Variants in PCDH15 observed in about 807,000 individuals in gnomAD.
PCDH15 encodes protocadherin-15.
Under a neutral mutation model 178.5 loss-of-function variants are expected in PCDH15, and 129 were observed. The ratio of observed to expected loss-of-function variants is 0.72; its 90% CI spans 0.63 to 0.84. The LOEUF is 0.84. Ranked by LOEUF, PCDH15 falls within the 40% of genes least tolerant of loss-of-function variation. The pLI is 0.00. For synonymous variants in PCDH15, 800 were observed against 732.0 expected (o/e 1.09, Z -1.50); for missense variants, 2,230 against 2,099.9 (o/e 1.06, Z -1.21).
chr10:54,427,309 G>T (rs1254667316), intron 3 of PCDH15, among the ~76,000 whole-genome samples: 2 of 96,214 alleles, frequency 2.1e-5, no homozygotes, highest in African/African-American at 9.1e-5. Flanking sequence ...ACTGGGTTTC[G>T]CTCTTGTTGC....
At chr10:54,541,029 ATG>A (rs2085156233) in intron 2 of PCDH15, among the ~76,000 whole-genome samples, 1 of 152,194 alleles carries the variant, frequency 6.6e-6, no homozygotes, top group African/African-American at 2.4e-5. Context: ...GGAGCCATAT[ATG>A]ACACAATACA....
At chr10:54,945,250 T>G (rs551626168) in intron 2 of PCDH15, among the ~76,000 whole-genome samples, 1 of 151,900 alleles carries the variant, frequency 6.6e-6, no homozygotes, top group Admixed American at 6.6e-5. Flanking sequence ...GAACATATAA[T>G]TATGCCAATG....
chr10:54,675,456 T>G (rs927972838), intron 1 of PCDH15, among the ~76,000 whole-genome samples: 29 of 137,876 alleles, frequency 2.1e-4, no homozygotes, highest in Admixed American at 1.9e-3. Flanking sequence ...GGCCTTTTCA[T>G]GTTGTTTTTT....
intron 2 of PCDH15, among the ~76,000 whole-genome samples, chr10:54,550,890 T>C (rs996670641): frequency 1.3e-5 from 2 of 152,066 alleles, no homozygotes; most frequent in Non-Finnish European, 2.9e-5. Context: ...GTGTAGTGGC[T>C]CACACCTGTA....
chr10:54,825,559 T>C (rs1402700745), intron 3 of PCDH15, among the ~76,000 whole-genome samples: 8 of 146,746 alleles, frequency 5.5e-5, no homozygotes, highest in African/African-American at 1.0e-4. Flanking sequence ...TTTTAATGAT[T>C]GCCATTCTAA....
At chr10:53,925,616 G>A (rs1350867188) in intron 25 of PCDH15, among the ~76,000 whole-genome samples, 1 of 152,208 alleles carries the variant, frequency 6.6e-6, no homozygotes, top group Non-Finnish European at 1.5e-5. Flanking sequence ...TCCTCTTAAA[G>A]AGATCATTGC....
At position 54,307,104 on chromosome 10, in the gene PCDH15, G is replaced by GTATATATA. The variant is rs1170885233; in HGVS notation, c.876+10159_876+10166dup. ...TACATATATATATATGTGTGTGTGT[G>GTATATATA]TATATATATATATATATATATATAT... On this transcript the variant is annotated intron_variant, in intron 8 of 37. Transcript: ENST00000644397. Among the ~76,000 whole-genome samples the GTATATATA allele has an allele frequency of 4.3e-3, 115 of 26,544 alleles. 26 individuals carry two copies. The highest frequency in any genetic ancestry group is 0.019 in the Middle Eastern group (1 of 52). 17.4% of individuals were successfully genotyped at this position (26,544 alleles called of 152,430 possible). A position where few individuals can be genotyped will look rare whatever the true frequency, so the allele number is the denominator to read the frequency against.
chr10:54,943,338 C>A (rs192020796), intron 2 of PCDH15, among the ~76,000 whole-genome samples: 1 of 152,052 alleles, frequency 6.6e-6, no homozygotes, highest in East Asian at 1.9e-4. Context: ...CTGCTGTTTT[C>A]TTCCATTCTT....
chr10:55,152,308 C>CA (rs1460949105), intron 2 of PCDH15, among the ~76,000 whole-genome samples: 1 of 151,886 alleles, frequency 6.6e-6, no homozygotes, highest in African/African-American at 2.4e-5. Flanking sequence ...AAATGAGTCA[C>CA]ATAATAGGTC....
intron 11 of PCDH15, among the ~76,000 whole-genome samples, chr10:54,188,679 G>A (rs1181163066): frequency 6.6e-6 from 1 of 151,656 alleles, no homozygotes; most frequent in Admixed American, 6.6e-5. Flanking sequence ...ACAAACATAT[G>A]AATATAAAAT....
In PCDH15 at chr10:54,116,238, A is replaced by T. The variant is rs1466708738; in HGVS notation, c.1917+16637T>A. On this transcript the variant is annotated intron_variant, in intron 15 of 37. Transcript: ENST00000644397. ...TCAATGGAATGGGCACTGAAAATGC[A>T]AAAAAAAAAAAAAAAAGCCATTTGA... 1.9e-4 allele frequency among the ~76,000 whole-genome samples: 4 copies of T among 20,798 alleles called. No individual in the cohort carries two copies. The East Asian group carries it at 0.019, about 97-fold the overall frequency. The allele number at this position is 20,798 out of a possible 152,430, so 13.6% of individuals were successfully genotyped here.
chr10:55,567,672 A>G (rs548311711), intron 2 of PCDH15, among the ~76,000 whole-genome samples: 50 of 152,168 alleles, frequency 3.3e-4, no homozygotes, highest in African/African-American at 1.2e-3. Context: ...CAAATGGCAA[A>G]TAAACACTTG....
intron 1 of PCDH15, among the ~76,000 whole-genome samples, chr10:55,296,907 A>G (rs1376243143): frequency 2.0e-5 from 3 of 152,168 alleles, no homozygotes; most frequent in Admixed American, 1.3e-4. Context: ...AAACACTATA[A>G]GACTAACTTC....
intron 9 of PCDH15, among the ~76,000 whole-genome samples, chr10:54,234,641 A>G (rs2054439556): frequency 1.3e-5 from 2 of 152,190 alleles, no homozygotes; most frequent in African/African-American, 4.8e-5. Flanking sequence ...TAAAGTCAGG[A>G]TTTTTAACAT....
intron 14 of PCDH15, among the ~76,000 whole-genome samples, chr10:54,146,028 G>T (rs2043872760): frequency 1.3e-5 from 2 of 151,806 alleles, no homozygotes; most frequent in African/African-American, 2.4e-5. Flanking sequence ...AATCCCATGT[G>T]GGCAGAGATC....
chr10:55,406,069 A>AT (rs932686873), intron 2 of PCDH15, among the ~76,000 whole-genome samples: 2 of 36,036 alleles, frequency 5.6e-5, no homozygotes, highest in African/African-American at 4.0e-4. Flanking sequence ...GTTCCCATCT[A>AT]AAAAAAAAAA....
intron 26 of PCDH15, among the ~76,000 whole-genome samples, chr10:53,900,255 C>G (rs568530209): frequency 6.6e-5 from 10 of 151,242 alleles, no homozygotes; most frequent in African/African-American, 2.2e-4. Context: ...CTGTCTGTCT[C>G]TCTCTCCCCT....
At chr10:54,205,557 C>A (rs562170397) in intron 10 of PCDH15, among the ~76,000 whole-genome samples, 2 of 145,622 alleles carry the variant, frequency 1.4e-5, no homozygotes, top group South Asian at 2.2e-4. Context: ...AACCTGTGCT[C>A]CATGAATCAA....
chr10:55,422,727 T>C (rs1838653096), intron 2 of PCDH15, among the ~76,000 whole-genome samples: 1 of 151,846 alleles, frequency 6.6e-6, no homozygotes, highest in Admixed American at 6.6e-5. Context: ...TGGTATGTTG[T>C]GCTCGGCATG....
Sources: allele counts gnomAD v4.1 joint callset (sites outside exome capture counted in the v4.1 genomes callset), GRCh38; gene constraint gnomAD v4.1.1; transcripts MANE v1.5; gene names NCBI Gene and HGNC (gene_info 2026-07-23, HGNC 2026-07-21).